Variants in GMDS observed in about 807,000 individuals in gnomAD.
GMDS encodes GDP-mannose 4,6-dehydratase.
GMDS carries 20 observed loss-of-function variants against 49.9 expected under a neutral mutation model. That is an observed-to-expected ratio of 0.40 (90% CI 0.28 to 0.58). The LOEUF is 0.58. Among genes scored for constraint, GMDS ranks in the 20% least tolerant of loss-of-function variants. GMDS has a pLI of 0.42. For synonymous variants in GMDS, 177 were observed against 178.6 expected, an observed-to-expected ratio of 0.99 and a Z score of 0.07; for missense variants, 362 against 481.4, an observed-to-expected ratio of 0.75 and a Z score of 2.32.
chr6:2,159,279 A>C (rs1419012111), intron 1 of GMDS, among the ~76,000 whole-genome samples: 1 of 152,142 alleles, frequency 6.6e-6, no homozygotes, highest in Non-Finnish European at 1.5e-5. Flanking sequence ...ATAACTTCTG[A>C]TCCCAAAAAT....
At chr6:1,900,184 C>T (rs1015398367) in intron 7 of GMDS, among the ~76,000 whole-genome samples, 5 of 152,140 alleles carry the variant, frequency 3.3e-5, no homozygotes, top group African/African-American at 9.7e-5. Flanking sequence ...CTTCATTGGA[C>T]GGGGAGAAAC....
intron 1 of GMDS, among the ~76,000 whole-genome samples, chr6:2,199,499 G>A (rs542610049): frequency 3.3e-5 from 5 of 152,044 alleles, no homozygotes; most frequent in African/African-American, 1.2e-4. Context: ...CTCTGTCCTC[G>A]CTGCTCTCCC....
intron 7 of GMDS, among the ~76,000 whole-genome samples, chr6:1,922,296 TTTCTG>T (rs1761753807): frequency 6.6e-6 from 1 of 152,230 alleles, no homozygotes; most frequent in Non-Finnish European, 1.5e-5. Context: ...TCACCGTTGC[TTTCTG>T]TTAAGTAAGG....
At chr6:1,807,311 G>A (rs1241447318) in intron 7 of GMDS, among the ~76,000 whole-genome samples, 3 of 152,074 alleles carry the variant, frequency 2.0e-5, no homozygotes, top group Non-Finnish European at 4.4e-5. Context: ...CAAAGTGTTG[G>A]GATTATACTG....
intron 1 of GMDS, among the ~76,000 whole-genome samples, chr6:2,141,561 G>A (rs548881018): frequency 5.9e-5 from 9 of 152,288 alleles, no homozygotes; most frequent in South Asian, 2.1e-4. Context: ...TCATAAAACC[G>A]TGAACGCTGA....
intron 9 of GMDS, among the ~76,000 whole-genome samples, chr6:1,668,787 G>A (rs1456614740): frequency 6.6e-6 from 1 of 152,114 alleles, no homozygotes; most frequent in African/African-American, 2.4e-5. Flanking sequence ...CTCCATTAAG[G>A]GGAAGAAAAC....
At chr6:2,142,566 A>G (rs968401330) in intron 1 of GMDS, among the ~76,000 whole-genome samples, 2 of 152,238 alleles carry the variant, frequency 1.3e-5, no homozygotes, top group African/African-American at 4.8e-5. Flanking sequence ...GGCCTGGAAC[A>G]GATCCTTCCC....
chr6:1,738,152 CAT>C (rs1208098265), intron 8 of GMDS, among the ~76,000 whole-genome samples: 1 of 19,164 alleles, frequency 5.2e-5, no homozygotes, highest in African/African-American at 1.1e-4. Context: ...CACAGATACA[CAT>C]ACACACACAC....
chr6:1,638,096 G>A (rs1449685234), intron 9 of GMDS, among the ~76,000 whole-genome samples: 1 of 152,138 alleles, frequency 6.6e-6, no homozygotes, highest in Non-Finnish European at 1.5e-5. Context: ...CCAACAACAC[G>A]GACAGAAGAG....
intron 4 of GMDS, among the ~76,000 whole-genome samples, chr6:2,005,512 T>C (rs1369723322): frequency 6.6e-6 from 1 of 152,210 alleles, no homozygotes; most frequent in Non-Finnish European, 1.5e-5. Flanking sequence ...CAGTTTTCGT[T>C]TCTGCTGGCT....
chr6:1,636,200 T>C (rs1315345475), intron 9 of GMDS, among the ~76,000 whole-genome samples: 9 of 152,334 alleles, frequency 5.9e-5, no homozygotes, highest in Admixed American at 5.9e-4. Flanking sequence ...GTGCACAACA[T>C]GCTCTCCAAA....
At chr6:1,930,021 TCA>T in intron 7 of GMDS, 80 bp downstream of exon 7, 2 of 1,275,944 alleles carry the variant, frequency 1.6e-6, no homozygotes, top group Non-Finnish European at 2.2e-6. Context: ...CACCTCTAGG[TCA>T]CACTTTTTCA....
intron 7 of GMDS, among the ~76,000 whole-genome samples, chr6:1,846,460 A>G (rs561051514): frequency 6.6e-6 from 1 of 152,268 alleles, no homozygotes; most frequent in African/African-American, 2.4e-5. Context: ...AAACAAAACT[A>G]CTACAATATT....
At chr6:1,818,984 G>A (rs1581218351) in intron 7 of GMDS, among the ~76,000 whole-genome samples, 1 of 151,976 alleles carries the variant, frequency 6.6e-6, no homozygotes, top group Non-Finnish European at 1.5e-5. Flanking sequence ...AAAGCCGCAT[G>A]ACTAGATAGA....
chr6:2,112,006 T>C (rs957158306), intron 4 of GMDS, among the ~76,000 whole-genome samples: 1 of 152,120 alleles, frequency 6.6e-6, no homozygotes, highest in Non-Finnish European at 1.5e-5. Context: ...CAGTCTGTGA[T>C]CACATGGCGC....
In GMDS at chr6:1,833,208, C is replaced by T. The variant is rs1756754368; in HGVS notation, c.772-90622G>A. On this transcript the variant is annotated intron_variant, in intron 7 of 10. Transcript: ENST00000380815. The surrounding 1 kb of genome is among the most constrained non-coding windows in gnomAD (Gnocchi z 4.4). The stretch of plus-strand genomic sequence containing the variant: ...ATGGACCCTCAGGCACATTAATCAG[C>T]AGGGGAATTGGCCAAATGTCGTCTC... Among the ~76,000 whole-genome samples the T allele has an allele frequency of 6.7e-6, 1 of 148,322 alleles. No homozygotes were observed. Among genetic ancestry groups the T allele is most frequent in the South Asian group, 2.1e-4 (1 of 4,714 alleles).
At chr6:1,903,809 T>C (rs1760621725) in intron 7 of GMDS, among the ~76,000 whole-genome samples, 2 of 152,152 alleles carry the variant, frequency 1.3e-5, no homozygotes, top group Non-Finnish European at 2.9e-5. Flanking sequence ...CTCCCAACCC[T>C]GGATGCCTTT....
At chr6:1,693,029 T>G (rs1765227427) in intron 9 of GMDS, among the ~76,000 whole-genome samples, 1 of 152,226 alleles carries the variant, frequency 6.6e-6, no homozygotes, top group South Asian at 2.1e-4. Context: ...CCCAGTTATG[T>G]TACTTGGAAG....
In GMDS at chr6:2,228,816, C is replaced by T. The variant is rs145484975; in HGVS notation, c.102+16505G>A. Among the ~76,000 whole-genome samples, 341 of 152,292 alleles carry T rather than the reference C, an allele frequency of 2.2e-3. 1 individual carries two copies. In the Middle Eastern group the frequency reaches 0.027, roughly 12 times the overall value. On this transcript the variant is annotated intron_variant, in intron 1 of 10. Coordinates refer to ENST00000380815, the MANE Select transcript of GMDS (RefSeq NM_001500.4). ...GCCCCTGGAATTAGCCCCAATACCC[C>T]CCGTTGACAGCTTCAACAAGTGGGA...
Sources: gnomAD v4.1 joint callset for allele counts (sites outside exome capture counted in the v4.1 genomes callset) on GRCh38, gnomAD v4.1.1 for gene constraint, Gnocchi (gnomAD v3.1) non-coding constraint, MANE v1.5 for transcripts, NCBI Gene and HGNC (gene_info 2026-07-23, HGNC 2026-07-21) for gene names.